Variants in SOX5 observed in about 807,000 individuals in gnomAD.
SOX5 encodes SRY-box transcription factor 5, also known as transcription factor SOX-5.
In SOX5, 9 loss-of-function variants were observed where a neutral mutation model predicts 92.0. The observed-to-expected ratio is 0.10, with a 90% CI of 0.06 to 0.17. The LOEUF is 0.17. Ranked by LOEUF, SOX5 falls within the 10% of genes least tolerant of loss-of-function variation. The pLI, the probability that SOX5 is intolerant of heterozygous loss-of-function variation, is 1.00. For missense variants in SOX5, 642 were observed against 944.5 expected (o/e 0.68, Z 4.20); for synonymous variants, 344 against 336.3 (o/e 1.02, Z -0.25).
At chr12:23,560,228 C>T (rs1162624585) in intron 11 of SOX5, among the ~76,000 whole-genome samples, 1 of 151,948 alleles carries the variant, frequency 6.6e-6, no homozygotes, top group Non-Finnish European at 1.5e-5. Context: ...TTACTTTAGA[C>T]AGAAAAAAAT....
intron 6 of SOX5, among the ~76,000 whole-genome samples, chr12:23,689,169 C>T (rs16926608): frequency 5.6e-4 from 85 of 151,982 alleles, no homozygotes; most frequent in Non-Finnish European, 1.0e-3. Flanking sequence ...ATGCTTAAGT[C>T]GTCTTTGTTT....
intron 2 of SOX5, among the ~76,000 whole-genome samples, chr12:23,889,574 AG>A (rs2097106967): frequency 6.6e-6 from 1 of 152,306 alleles, no homozygotes; most frequent in East Asian, 1.9e-4. Flanking sequence ...AGCAAGTAAA[AG>A]CCTCTCTATC....
chr12:24,145,966 T>A (rs1323707726), intron 4 of SOX5, among the ~76,000 whole-genome samples: 2 of 152,186 alleles, frequency 1.3e-5, no homozygotes, highest in Non-Finnish European at 2.9e-5. Context: ...ATGAATGAGA[T>A]AACAGAGGTG....
At chr12:24,292,743 G>A (rs1481154789) in intron 2 of SOX5, among the ~76,000 whole-genome samples, 1 of 152,198 alleles carries the variant, frequency 6.6e-6, no homozygotes, top group Non-Finnish European at 1.5e-5. Context: ...AATATTCTCA[G>A]ACTGTATCAA....
chr12:23,694,428 C>G (rs1248478261), intron 6 of SOX5, among the ~76,000 whole-genome samples: 1 of 152,026 alleles, frequency 6.6e-6, no homozygotes, highest in Non-Finnish European at 1.5e-5. Flanking sequence ...TTTCATATTT[C>G]TCATCTGTGT....
chr12:24,426,017 A>G (rs1201282487), intron 1 of SOX5, among the ~76,000 whole-genome samples: 1 of 152,140 alleles, frequency 6.6e-6, no homozygotes, highest in African/African-American at 2.4e-5. Context: ...GTCAACCGAA[A>G]AAAACAAAAG....
chr12:24,351,792 C>T (rs868559554), intron 2 of SOX5, among the ~76,000 whole-genome samples: 4 of 152,260 alleles, frequency 2.6e-5, no homozygotes, highest in Middle Eastern at 6.8e-3. Flanking sequence ...AAGAAAATAA[C>T]ATGTACATAT....
At chr12:23,715,809 C>CCA (rs1555285645) in intron 6 of SOX5, among the ~76,000 whole-genome samples, 12 of 72,812 alleles carry the variant, frequency 1.6e-4, no homozygotes, top group African/African-American at 5.9e-4. Context: ...AGTAATTTCC[C>CCA]AAAAAAAAAA....
At position 23,529,575 on chromosome 12, in the gene SOX5, A is replaced by T. The variant is rs1046142642; in HGVS notation, c.*4644T>A. The T allele has an allele frequency of 3.9e-5, 6 of 152,180 alleles. No individual in the cohort carries two copies. Among genetic ancestry groups the T allele is most frequent in the African/African-American group, 1.4e-4 (6 of 41,462 alleles). 9.4% of individuals were successfully genotyped at this position (152,180 alleles called of 1,614,324 possible). Reference sequence around the variant, plus strand: ...TACTGAAAAAGGAGAATGCAAAAAAATAAAATAAAATAAACAAAAAACAAA... The same window carrying T: ...TACTGAAAAAGGAGAATGCAAAAAATTAAAATAAAATAAACAAAAAACAAA... On this transcript the variant is annotated 3_prime_UTR_variant, in exon 15 of 15. Transcript: ENST00000451604.
At chr12:23,788,304 A>T (rs1437173933) in intron 3 of SOX5, among the ~76,000 whole-genome samples, 1 of 152,000 alleles carries the variant, frequency 6.6e-6, no homozygotes, top group African/African-American at 2.4e-5. Flanking sequence ...CCAGAGCTGT[A>T]AGAGAAACAG....
At chr12:23,811,174 C>T (rs2095869518) in intron 3 of SOX5, among the ~76,000 whole-genome samples, 1 of 152,086 alleles carries the variant, frequency 6.6e-6, no homozygotes, top group Non-Finnish European at 1.5e-5. Flanking sequence ...CATTTTGCTT[C>T]ACTTCCAAGG....
rs559931681 is a variant in SOX5, at chr12:23,993,920, T to C, written c.-1-97896A>G. 7.3e-5 allele frequency among the ~76,000 whole-genome samples: 11 copies of C among 151,274 alleles called. No individual in the cohort carries two copies. In the South Asian group the frequency reaches 1.3e-3, roughly 17 times the overall value. On this transcript the variant is annotated intron_variant, in intron 4 of 4. Transcript: ENST00000446891. ...GTATGTATGTATGTATGTATGCATG[T>C]ATGCATGTATGTGTGTATGTTTGTA... is the stretch of plus-strand genomic sequence containing the variant.
In SOX5 at chr12:24,433,041, AT is replaced by A. The variant is rs78632274; in HGVS notation, c.-250-64403del. 4.6e-3 allele frequency among the ~76,000 whole-genome samples: 706 copies of A among 152,308 alleles called. 11 individuals are homozygous for A. The East Asian group carries it at 0.051, about 11-fold the overall frequency. On this transcript the variant is annotated intron_variant, in intron 1 of 4. Transcript: ENST00000446891. ...GATAATGTATTTTTATAACATAAGT[AT>A]TTTTTATTTGGAATTTTCTTAAAAT...
chr12:24,133,450 C>G (rs2138533679), intron 4 of SOX5, among the ~76,000 whole-genome samples: 1 of 152,228 alleles, frequency 6.6e-6, no homozygotes, highest in Admixed American at 6.5e-5. Context: ...ACTGCCTTCC[C>G]CTTTTAAGAG....
rs548824931 is a variant in SOX5, at chr12:24,551,496, G to A, written c.-251+10833C>T. Among the ~76,000 whole-genome samples, 8 of 152,256 alleles carry A rather than the reference G, an allele frequency of 5.3e-5. No individual in the cohort carries two copies. In the South Asian group the frequency reaches 8.3e-4, roughly 16 times the overall value. ...TCTTTACAAGATATTTTTGTATAAC[G>A]TAAATGCTTTTTTCCCCTGTCCATG... is the stretch of plus-strand genomic sequence containing the variant. On this transcript the variant is annotated intron_variant, in intron 1 of 4. Coordinates refer to the SOX5 transcript ENST00000446891.
At chr12:23,587,679 T>C (rs1001719450) in intron 9 of SOX5, among the ~76,000 whole-genome samples, 1 of 152,102 alleles carries the variant, frequency 6.6e-6, no homozygotes, top group African/African-American at 2.4e-5. Context: ...ATCCTAAAAT[T>C]TATATCAAAA....
chr12:24,081,911 TTATGGTCACCATA>T (rs533143568), intron 4 of SOX5, among the ~76,000 whole-genome samples: 1 of 152,060 alleles, frequency 6.6e-6, no homozygotes, highest in Admixed American at 6.6e-5. Context: ...CCAGCACCAT[TTATGGTCACCATA>T]TTTGCACATG....
At chr12:24,434,426 TTAC>T (rs1334915769) in intron 1 of SOX5, among the ~76,000 whole-genome samples, 1 of 152,146 alleles carries the variant, frequency 6.6e-6, no homozygotes, top group Non-Finnish European at 1.5e-5. Context: ...AGCTCAGCTA[TTAC>T]TACCACCAAC....
At position 23,940,707 on chromosome 12, in the gene SOX5, G is replaced by T. The variant is rs1470854191; in HGVS notation, c.38+8857C>A. Among the ~76,000 whole-genome samples, 3 of 148,322 alleles carry T rather than the reference G, an allele frequency of 2.0e-5. No individual in the cohort carries two copies. The Admixed American group carries it at 2.0e-4, about 10-fold the overall frequency. On this transcript the variant is annotated intron_variant, in intron 1 of 14. Coordinates refer to ENST00000451604, the MANE Select transcript of SOX5 (RefSeq NM_006940.6). Reference sequence around the variant, plus strand: ...ACTGGCAAATATAAATCTTAACCTAGAAGAGGAAATTATTTTATTTACAGA... The same window carrying T: ...ACTGGCAAATATAAATCTTAACCTATAAGAGGAAATTATTTTATTTACAGA...
Sources: allele counts gnomAD v4.1 joint callset (sites outside exome capture counted in the v4.1 genomes callset), GRCh38; gene constraint gnomAD v4.1.1; transcripts MANE v1.5; gene names NCBI Gene and HGNC (gene_info 2026-07-23, HGNC 2026-07-21).